Variants in CPXM2 observed in about 807,000 individuals in gnomAD.
The protein encoded by CPXM2 is carboxypeptidase X, M14 family member 2.
In CPXM2, 66 loss-of-function variants were observed where a neutral mutation model predicts 86.1. The observed-to-expected ratio is 0.77, with a 90% CI of 0.63 to 0.94. The LOEUF (loss-of-function observed/expected upper bound fraction) is 0.94. CPXM2 is among the 40% of genes least tolerant of loss of function. CPXM2 has a pLI of 0.00. For missense variants in CPXM2, 948 were observed against 1,026.3 expected (o/e 0.92, Z 1.04); for synonymous variants, 388 against 400.2 (o/e 0.97, Z 0.36).
intron 2 of CPXM2, among the ~76,000 whole-genome samples, chr10:123,931,073 G>A (rs969187142): frequency 4.6e-5 from 7 of 151,976 alleles, no homozygotes; most frequent in African/African-American, 4.8e-5. Context: ...AACTAATCAG[G>A]CTCCTTAGTC....
chr10:123,896,755 A>G (rs1945341131), upstream of CPXM2, among the ~76,000 whole-genome samples: 1 of 152,188 alleles, frequency 6.6e-6, no homozygotes, highest in South Asian at 2.1e-4. Flanking sequence ...CCAGGGAGAC[A>G]CTGAACGCAG....
intron 4 of CPXM2, among the ~76,000 whole-genome samples, chr10:123,819,453 C>G (rs1847881453): frequency 6.6e-6 from 1 of 152,164 alleles, no homozygotes; most frequent in African/African-American, 2.4e-5. Flanking sequence ...CATCTACGAC[C>G]ATGTGACCAG....
In CPXM2 at chr10:123,798,090, G is replaced by A. The variant is rs1847373786; in HGVS notation, c.775C>T (p.Leu259Phe). Reference protein sequence around the residue: ...EGNSEKEIPVLNELPVPMVAR... With the variant: ...EGNSEKEIPVFNELPVPMVAR... ...ACCATGGGGACGGGTAGCTCATTGA[G>A]AACAGGGATCTCCTTCTCACTGTTT... is the stretch of plus-strand genomic sequence containing the variant. Residue 259 changes from leucine to phenylalanine, a missense_variant, in exon 6 of 14, where the codon CTC becomes TTC. By Grantham distance (22) the Leu-to-Phe change is conservative. Transcript: ENST00000241305. 2 of 1,610,738 alleles carry A rather than the reference G, an allele frequency of 1.2e-6. No homozygotes were observed. Among genetic ancestry groups the A allele is most frequent in the Non-Finnish European group, 1.7e-6 (2 of 1,178,392 alleles).
intron 13 of CPXM2, among the ~76,000 whole-genome samples, chr10:123,748,363 C>T (rs897077372): frequency 3.3e-5 from 5 of 152,132 alleles, no homozygotes; most frequent in Admixed American, 1.3e-4. Flanking sequence ...AGTCTTCTAA[C>T]GGATGGAAGA....
intron 7 of CPXM2, chr10:123,776,955 G>C (rs115358231): frequency 8.3e-4 from 127 of 152,290 alleles, no homozygotes; most frequent in African/African-American, 2.8e-3. Context: ...GAAGAGGAAA[G>C]TTCTCTTCTG....
Position 123,746,620 on chromosome 10 carries a change from TG to T in CPXM2, c.*143del, listed in dbSNP as rs1845975514. On this transcript the variant is annotated 3_prime_UTR_variant, in exon 14 of 14. Transcript: ENST00000241305. ...AGCCTCAGCCTCCAGCCTTCCCTTT[TG>T]GGACCTGCCTCACAATGCACCCTCT... The T allele has an allele frequency of 1.3e-6, 1 of 763,916 alleles. No individual in the cohort carries two copies. Among genetic ancestry groups the T allele is most frequent in the African/African-American group, 1.7e-5 (1 of 57,808 alleles). The allele number at this position is 763,916 out of a possible 1,614,324, so 47.3% of individuals were successfully genotyped here. A position where few individuals can be genotyped will look rare whatever the true frequency, so the allele number is the denominator to read the frequency against.
chr10:123,787,005 G>A (rs1847074396), intron 6 of CPXM2, among the ~76,000 whole-genome samples: 2 of 152,156 alleles, frequency 1.3e-5, no homozygotes, highest in African/African-American at 2.4e-5. Context: ...AGATGCTTCT[G>A]TGACTTGTGT....
rs762238167 is a variant in CPXM2, at chr10:123,865,798, G to A, written c.404-3075C>T. ...TTCTGAGTTATGGGTTCTTCCAACTGCCTCCTCCTGGCCAACCCCAGGAGG... is the reference window on the plus strand; with the variant it reads ...TTCTGAGTTATGGGTTCTTCCAACTACCTCCTCCTGGCCAACCCCAGGAGG... On this transcript the variant is annotated intron_variant, in intron 2 of 13. Coordinates refer to ENST00000241305, the MANE Select transcript of CPXM2 (RefSeq NM_198148.3). This position sits in a 1 kb window ranked among gnomAD's most constrained non-coding sequence, Gnocchi z 4.7. Among the ~76,000 whole-genome samples, 48 of 152,074 alleles carry A rather than the reference G, an allele frequency of 3.2e-4. No homozygotes were observed. Among genetic ancestry groups the A allele is most frequent in the Non-Finnish European group, 6.5e-4 (44 of 67,992 alleles).
intron 2 of CPXM2, among the ~76,000 whole-genome samples, chr10:123,877,877 T>G (rs1945012515): frequency 6.6e-6 from 1 of 152,228 alleles, no homozygotes; most frequent in African/African-American, 2.4e-5. Context: ...AAGGATGACT[T>G]CTACATCTGA....
At chr10:123,867,577 A>C (rs1161128568) in intron 2 of CPXM2, among the ~76,000 whole-genome samples, 1 of 123,296 alleles carries the variant, frequency 8.1e-6, no homozygotes, top group African/African-American at 3.2e-5. Context: ...CTTGTCACCC[A>C]GGCTGCAGTG....
intron 10 of CPXM2, 59 bp downstream of exon 10, chr10:123,766,914 C>A (rs986968290): frequency 7.5e-7 from 1 of 1,342,144 alleles, no homozygotes; most frequent in African/African-American, 1.4e-5. Context: ...TCTGCAAATA[C>A]CAATGGAGGT....
chr10:123,830,589 C>T (rs1848143065), intron 4 of CPXM2, among the ~76,000 whole-genome samples: 1 of 152,162 alleles, frequency 6.6e-6, no homozygotes, highest in Non-Finnish European at 1.5e-5. Flanking sequence ...GTTTTTTAGG[C>T]CAGTTCTCTG....
intron 2 of CPXM2, among the ~76,000 whole-genome samples, chr10:123,867,187 T>G (rs1454270791): frequency 6.6e-6 from 1 of 152,148 alleles, no homozygotes; most frequent in Non-Finnish European, 1.5e-5. Context: ...CCACATCCCT[T>G]TATGCAAAGA....
chr10:123,804,215 G>A (rs777748669), intron 4 of CPXM2, among the ~76,000 whole-genome samples: 5 of 152,014 alleles, frequency 3.3e-5, no homozygotes, highest in Admixed American at 6.6e-5. Context: ...GCTTTTCAAA[G>A]TTGCCTTCAC....
chr10:123,923,896 T>A (rs1467923720), intron 2 of CPXM2, among the ~76,000 whole-genome samples: 3 of 152,198 alleles, frequency 2.0e-5, no homozygotes, highest in African/African-American at 7.2e-5. Context: ...TTGTGAGGCC[T>A]CCCCAGCCAC....
intron 3 of CPXM2, among the ~76,000 whole-genome samples, chr10:123,846,960 T>A (rs1848508050): frequency 6.6e-6 from 1 of 152,068 alleles, no homozygotes; most frequent in South Asian, 2.1e-4. Context: ...AAACAAAAGG[T>A]TGTTAAGAAA....
intron 4 of CPXM2, among the ~76,000 whole-genome samples, chr10:123,804,110 G>T (rs1459447904): frequency 1.3e-5 from 2 of 152,064 alleles, no homozygotes; most frequent in Non-Finnish European, 2.9e-5. Context: ...TGTTCTGTTG[G>T]TCTACTTCTT....
upstream of CPXM2, among the ~76,000 whole-genome samples, chr10:123,941,405 C>T (rs957847226): frequency 9.2e-5 from 14 of 152,126 alleles, no homozygotes; most frequent in South Asian, 2.1e-4. Context: ...ACGTGGCCTC[C>T]GCCTCCTGTG....
At chr10:123,888,903 G>C (rs567374929) in intron 1 of CPXM2, among the ~76,000 whole-genome samples, 2 of 152,304 alleles carry the variant, frequency 1.3e-5, no homozygotes, top group South Asian at 4.1e-4. Flanking sequence ...TTCAGTATGG[G>C]GCTTGGAGAT....
Sources: allele counts gnomAD v4.1 joint callset (sites outside exome capture counted in the v4.1 genomes callset), GRCh38; gene constraint gnomAD v4.1.1; non-coding constraint Gnocchi (gnomAD v3.1); transcripts MANE v1.5; gene names NCBI Gene and HGNC (gene_info 2026-07-23, HGNC 2026-07-21).